DPP6: variants seen among roughly 807,000 people sequenced by gnomAD.
The protein encoded by DPP6 is A-type potassium channel modulatory protein DPP6.
A neutral mutation model predicts 122.6 loss-of-function variants in DPP6; 69 were observed. The ratio of observed to expected loss-of-function variants is 0.56; its 90% confidence interval spans 0.46 to 0.69. The LOEUF (loss-of-function observed/expected upper bound fraction) is 0.69. Among genes scored for constraint, DPP6 ranks in the 30% least tolerant of loss-of-function variants. DPP6 has a pLI of 0.00. For synonymous variants in DPP6, 418 were observed against 433.1 expected (o/e 0.97, Z 0.43); for missense variants, 928 against 1,116.9 (o/e 0.83, Z 2.41).
chr7:154,074,773 G>A (rs1175098669), intron 1 of DPP6, among the ~76,000 whole-genome samples: 2 of 151,908 alleles, frequency 1.3e-5, no homozygotes, highest in Admixed American at 6.6e-5. Flanking sequence ...TAAAGACCCC[G>A]CTGAGAGTTC....
At chr7:154,001,899 T>C (rs2533558) in intron 1 of DPP6, among the ~76,000 whole-genome samples, 5,702 of 148,084 alleles carry the variant, frequency 0.039, 246 homozygotes, top group African/African-American at 0.13. Context: ...CATCTTGAGA[T>C]GGTTTGGTAA....
At chr7:153,815,563 C>A in the DPP6 span, among the ~76,000 whole-genome samples, 1 of 151,796 alleles carries the variant, frequency 6.6e-6, no homozygotes, top group Non-Finnish European at 1.5e-5. Context: ...GTTCCCCTTC[C>A]TGTGTCCATG....
intron 1 of DPP6, among the ~76,000 whole-genome samples, chr7:153,894,648 G>A (rs534947099): frequency 6.6e-6 from 1 of 152,218 alleles, no homozygotes; most frequent in East Asian, 1.9e-4. Context: ...TCTCAACATT[G>A]CCTGGAGCCA....
At chr7:154,374,855 G>T (rs2151128714) in intron 1 of DPP6, among the ~76,000 whole-genome samples, 1 of 152,158 alleles carries the variant, frequency 6.6e-6, no homozygotes, top group Non-Finnish European at 1.5e-5. Context: ...CAGGTGATCT[G>T]CCCGCCTCAG....
In DPP6 at chr7:154,241,219, G is replaced by GTGTGTA. The variant is rs1444102599; in HGVS notation, c.243+188157_243+188158insGTGTAT. Reference sequence around the variant, plus strand: ...TGTGTGTGTGTGTGTGTGTGTGTGTGTATATATATATAGAGAGAGAGAGAG... The same window carrying GTGTGTA: ...TGTGTGTGTGTGTGTGTGTGTGTGTGTGTGTATATATATATATAGAGAGAGAGAGAG... On this transcript the variant is annotated intron_variant, in intron 1 of 25. Coordinates refer to ENST00000377770, the MANE Select transcript of DPP6 (RefSeq NM_130797.4). The surrounding 1 kb of genome is among the most constrained non-coding windows in gnomAD (Gnocchi z 9.0). Among the ~76,000 whole-genome samples the GTGTGTA allele has an allele frequency of 3.0e-4, 43 of 142,870 alleles. No homozygotes were observed. Among genetic ancestry groups the GTGTGTA allele is most frequent in the African/African-American group, 7.2e-4 (25 of 34,682 alleles). The allele number at this position is 142,870 out of a possible 152,430, so 93.7% of individuals were successfully genotyped here.
Position 154,801,365 on chromosome 7 carries a change from C to G in DPP6, c.1310C>G (p.Pro437Arg). ...EAWLHRQNEE[P>R]VFSKDGRKFF... Reference sequence around the variant, plus strand: ...GGCCTTTGTCCACAGAATGAAGAACCTGTGTTCTCCAAGGATGGCCGAAAG... The same window carrying G: ...GGCCTTTGTCCACAGAATGAAGAACGTGTGTTCTCCAAGGATGGCCGAAAG... Residue 437 changes from proline (P) to arginine (R), a missense_variant, in exon 13 of 26, where the codon CCT becomes CGT. Physicochemically the swap from Pro to Arg is moderately radical, Grantham distance 103 (BLOSUM62 -2). Transcript: ENST00000377770. 1 of 1,587,090 alleles carries G rather than the reference C, an allele frequency of 6.3e-7. No homozygotes were observed. The highest frequency in any genetic ancestry group is 8.6e-7 in the Non-Finnish European group (1 of 1,165,306).
chr7:154,407,659 C>G (rs1816232355), intron 1 of DPP6, among the ~76,000 whole-genome samples: 1 of 152,140 alleles, frequency 6.6e-6, no homozygotes, highest in South Asian at 2.1e-4. Flanking sequence ...AGAAATAAAA[C>G]TTATGGCTTT....
intron 1 of DPP6, among the ~76,000 whole-genome samples, chr7:154,365,090 A>G (rs964795992): frequency 6.6e-6 from 1 of 152,198 alleles, no homozygotes; most frequent in Non-Finnish European, 1.5e-5. Context: ...TGGGCTGTTC[A>G]TTTGACTTGG....
intron 1 of DPP6, among the ~76,000 whole-genome samples, chr7:154,389,595 T>C (rs1377287211): frequency 6.6e-6 from 1 of 152,234 alleles, no homozygotes; most frequent in Non-Finnish European, 1.5e-5. Flanking sequence ...GATAGCATTT[T>C]ATGATTTATT....
intron 1 of DPP6, among the ~76,000 whole-genome samples, chr7:154,292,330 A>G (rs531046477): frequency 2.0e-5 from 3 of 152,222 alleles, no homozygotes; most frequent in Non-Finnish European, 4.4e-5. Flanking sequence ...TTGAGAACTC[A>G]TCAATCCTCT....
chr7:154,862,166 A>G (rs1415872341), intron 17 of DPP6, among the ~76,000 whole-genome samples: 1 of 152,200 alleles, frequency 6.6e-6, no homozygotes, highest in Non-Finnish European at 1.5e-5. Flanking sequence ...CCTGTGTACA[A>G]GATGCCCCAG....
intron 1 of DPP6, among the ~76,000 whole-genome samples, chr7:154,253,606 T>C (rs1802484218): frequency 6.6e-6 from 1 of 152,230 alleles, no homozygotes; most frequent in Admixed American, 6.5e-5. Context: ...TGACTAAACT[T>C]ATATGGTATA....
intron 1 of DPP6, 130 bp from the exon 2 acceptor site, chr7:154,446,080 AGCTT>A (rs951069039): frequency 4.4e-5 from 26 of 589,616 alleles, no homozygotes; most frequent in Admixed American, 1.0e-4. Flanking sequence ...AACTAATAGT[AGCTT>A]CAAGAATGGG....
intron 1 of DPP6, among the ~76,000 whole-genome samples, chr7:154,182,463 A>T (rs1798140300): frequency 6.6e-6 from 1 of 152,124 alleles, no homozygotes; most frequent in Admixed American, 6.5e-5. Flanking sequence ...CAAGCTGCTC[A>T]TGCCAAAGGG....
intron 1 of DPP6, among the ~76,000 whole-genome samples, chr7:154,306,299 G>T (rs1806342120): frequency 6.6e-6 from 1 of 152,190 alleles, no homozygotes; most frequent in Admixed American, 6.5e-5. Flanking sequence ...TCAGCCAGCC[G>T]CTTCACCACG....
At chr7:154,061,799 G>C (rs549655102) in intron 1 of DPP6, among the ~76,000 whole-genome samples, 1 of 127,458 alleles carries the variant, frequency 7.8e-6, no homozygotes, top group Non-Finnish European at 1.7e-5. Flanking sequence ...CCCTCGCGAC[G>C]CGGGGACTGA....
At chr7:154,409,953 G>T (rs187809962) in intron 1 of DPP6, among the ~76,000 whole-genome samples, 19 of 152,308 alleles carry the variant, frequency 1.2e-4, no homozygotes, top group African/African-American at 4.3e-4. Flanking sequence ...TGCCAGGAAA[G>T]ACAGAGGAGA....
the DPP6 span, among the ~76,000 whole-genome samples, chr7:153,758,509 T>C: frequency 6.6e-6 from 1 of 152,116 alleles, no homozygotes; most frequent in African/African-American, 2.4e-5. Flanking sequence ...TGTGATCTGT[T>C]TCTCCCTAAC....
Position 153,939,087 on chromosome 7 carries a change from A to G in DPP6, c.51+51353A>G, listed in dbSNP as rs540872596. 5.3e-5 allele frequency among the ~76,000 whole-genome samples: 8 copies of G among 152,342 alleles called. No homozygotes were observed. The South Asian group carries it at 1.7e-3, about 32-fold the overall frequency. On this transcript the variant is annotated intron_variant, in intron 1 of 25. Coordinates refer to the DPP6 transcript ENST00000404039. ...GCAATTTGCTACAATCAGAAAAATC[A>G]TAAAGGGTAGAATGATGTCATTTTT...
Sources: gnomAD v4.1 joint callset for allele counts (sites outside exome capture counted in the v4.1 genomes callset) on GRCh38, gnomAD v4.1.1 for gene constraint, Gnocchi (gnomAD v3.1) non-coding constraint, MANE v1.5 for transcripts, NCBI Gene and HGNC (gene_info 2026-07-23, HGNC 2026-07-21) for gene names.